The following AMZ1 variants were observed in gnomAD, a reference collection of about 807,000 sequenced individuals.
AMZ1 encodes archaemetzincin-1.
AMZ1 carries 39 observed loss-of-function variants against 29.9 expected under a neutral mutation model. The observed-to-expected ratio is 1.30, with a 90% CI of 1.01 to 1.70. AMZ1 has a LOEUF of 1.70. Ranked by LOEUF, AMZ1 falls within the 40% of genes most tolerant of loss-of-function variation. AMZ1 has a pLI of 0.00. For synonymous variants in AMZ1, 458 were observed against 304.0 expected (o/e 1.51, Z -5.27); for missense variants, 1,041 against 680.6 (o/e 1.53, Z -5.89).
At position 2,718,573 on chromosome 7, in the gene AMZ1, A is replaced by C. The variant is rs1195818699; in HGVS notation, c.*5695A>C. Among the ~76,000 whole-genome samples the C allele has an allele frequency of 6.6e-6, 1 of 152,136 alleles. No individual in the cohort carries two copies. Among genetic ancestry groups the C allele is most frequent in the African/African-American group, 2.4e-5 (1 of 41,426 alleles). ...TGGACGAAGGTGATGAGCGCGGCTG[A>C]CGGCTCCCGGGGGCAGTGTGGGGTC... On this transcript the variant is annotated 3_prime_UTR_variant, in exon 7 of 7. Transcript: ENST00000683327.
chr7:2,736,694 T>C (rs566894417), intron 4 of AMZ1, among the ~76,000 whole-genome samples: 1 of 152,228 alleles, frequency 6.6e-6, no homozygotes, highest in South Asian at 2.1e-4. Flanking sequence ...CCTTCAGCAG[T>C]TTCTGGAAGC....
intron 4 of AMZ1, chr7:2,733,444 TACTC>T: frequency 6.2e-7 from 1 of 1,613,200 alleles, no homozygotes; most frequent in Non-Finnish European, 8.5e-7. Flanking sequence ...CGGGCGTGCT[TACTC>T]ACCAGCTGGC....
chr7:2,694,923 T>C (rs1354925248), intron 1 of AMZ1, among the ~76,000 whole-genome samples: 7 of 152,210 alleles, frequency 4.6e-5, no homozygotes, highest in African/African-American at 1.7e-4. Flanking sequence ...TCCGCCTGCC[T>C]CGACCTCCCA....
intron 6 of AMZ1, 49 bp downstream of exon 6, chr7:2,709,865 G>A: frequency 1.9e-6 from 3 of 1,596,192 alleles, no homozygotes; most frequent in Non-Finnish European, 2.6e-6. Context: ...GCGCTCCGGA[G>A]GCCCGCGAGC....
chr7:2,710,785 G>A (rs374650372), intron 6 of AMZ1, among the ~76,000 whole-genome samples: 26 of 152,346 alleles, frequency 1.7e-4, no homozygotes, highest in African/African-American at 2.6e-4. Flanking sequence ...GAACCCAGGC[G>A]CAGCCATGGC....
rs1222770378 is a variant in AMZ1, at chr7:2,717,065, C to A, written c.*4187C>A. Among the ~76,000 whole-genome samples the A allele has an allele frequency of 1.3e-5, 2 of 152,188 alleles. No individual in the cohort carries two copies. The highest frequency in any genetic ancestry group is 3.8e-4 in the East Asian group (2 of 5,198). On this transcript the variant is annotated 3_prime_UTR_variant, in exon 7 of 7. Transcript: ENST00000683327. ...CACCCTGATCCCTGAGCAGCCCCCACACACCGGCACCCACGCCCCTCGGTT... is the reference window on the plus strand; with the variant it reads ...CACCCTGATCCCTGAGCAGCCCCCAAACACCGGCACCCACGCCCCTCGGTT...
chr7:2,749,222 T>C (rs1174028906), intron 4 of AMZ1, among the ~76,000 whole-genome samples: 2 of 152,182 alleles, frequency 1.3e-5, no homozygotes, highest in African/African-American at 2.4e-5. Flanking sequence ...GTGTGTTTAT[T>C]GCGGCACTAT....
intron 4 of AMZ1, among the ~76,000 whole-genome samples, chr7:2,737,510 A>T (rs887986629): frequency 2.0e-5 from 3 of 151,964 alleles, no homozygotes; most frequent in African/African-American, 4.8e-5. Context: ...GCTGGTCTCG[A>T]ACTCCTGACC....
chr7:2,721,865 C>T (rs1302032748), downstream of AMZ1, among the ~76,000 whole-genome samples: 4 of 152,098 alleles, frequency 2.6e-5, no homozygotes, highest in Non-Finnish European at 5.9e-5. Context: ...ATCATATATA[C>T]AAAACATGTT....
chr7:2,689,665 C>T lies in AMZ1; in HGVS notation c.-219+1369C>T, dbSNP rs531640015. ...GCCTCAGTTTCCCCACCTGAAACAC[C>T]GCAGTGGCACCTGCGGCTCCGTGTG... is the stretch of plus-strand genomic sequence containing the variant. On this transcript the variant is annotated intron_variant, in intron 1 of 6. Coordinates refer to ENST00000683327, the MANE Select transcript of AMZ1 (RefSeq NM_001384743.1). Among the ~76,000 whole-genome samples, 35 of 152,196 alleles carry T rather than the reference C, an allele frequency of 2.3e-4. 1 individual carries two copies. Among genetic ancestry groups the T allele is most frequent in the East Asian group, 9.6e-4 (5 of 5,192 alleles).
chr7:2,706,639 C>T (rs758319514), intron 3 of AMZ1, among the ~76,000 whole-genome samples: 4 of 152,218 alleles, frequency 2.6e-5, no homozygotes, highest in South Asian at 2.1e-4. Flanking sequence ...TTTGACTTCC[C>T]GTGAGCTTTA....
At chr7:2,705,661 A>G (rs1345244240) in intron 3 of AMZ1, among the ~76,000 whole-genome samples, 3 of 151,990 alleles carry the variant, frequency 2.0e-5, no homozygotes, top group Non-Finnish European at 4.4e-5. Flanking sequence ...GCCACTGTTG[A>G]GATTTGGGGG....
At chr7:2,764,703 A>G (rs1303804778) in exon 1 of AMZ1, 2 of 152,140 alleles carry the variant, frequency 1.3e-5, no homozygotes, top group East Asian at 1.9e-4. Flanking sequence ...ATTTCTCTGT[A>G]AACTGTAGGT....
intron 3 of AMZ1, among the ~76,000 whole-genome samples, chr7:2,706,546 T>C (rs1268272466): frequency 6.6e-6 from 1 of 152,236 alleles, no homozygotes; most frequent in East Asian, 1.9e-4. Flanking sequence ...TGGAGGGTGC[T>C]TCCTGGCTGC....
At chr7:2,680,120 C>T (rs923009361) in intron 1 of AMZ1, among the ~76,000 whole-genome samples, 3 of 152,090 alleles carry the variant, frequency 2.0e-5, no homozygotes, top group Non-Finnish European at 4.4e-5. Flanking sequence ...GTGGGGCGGG[C>T]AGTTGAGAGA....
At chr7:2,703,706 C>G (rs1788191612) in intron 3 of AMZ1, among the ~76,000 whole-genome samples, 1 of 152,192 alleles carries the variant, frequency 6.6e-6, no homozygotes, top group Non-Finnish European at 1.5e-5. Flanking sequence ...GGGATACTCT[C>G]AGCCATTGCT....
At chr7:2,689,231 C>T (rs747665077) in intron 1 of AMZ1, among the ~76,000 whole-genome samples, 1 of 152,194 alleles carries the variant, frequency 6.6e-6, no homozygotes, top group South Asian at 2.1e-4. Flanking sequence ...TGGTTTCTTG[C>T]CCAAAGGCCA....
At chr7:2,757,979 C>T (rs1220298689) in intron 4 of AMZ1, among the ~76,000 whole-genome samples, 1 of 152,184 alleles carries the variant, frequency 6.6e-6, no homozygotes, top group Non-Finnish European at 1.5e-5. Flanking sequence ...GCAAATGTAG[C>T]TGCCTGGTTA....
chr7:2,746,732 T>C (rs1158970632), intron 4 of AMZ1, among the ~76,000 whole-genome samples: 3 of 152,180 alleles, frequency 2.0e-5, no homozygotes, highest in Non-Finnish European at 4.4e-5. Context: ...ATCCAGGAGC[T>C]GGTTTTTTGA....
Sources: allele counts gnomAD v4.1 joint callset (sites outside exome capture counted in the v4.1 genomes callset), GRCh38; gene constraint gnomAD v4.1.1; transcripts MANE v1.5; gene names NCBI Gene and HGNC (gene_info 2026-07-23, HGNC 2026-07-21).